Variants in DPM1 observed in about 807,000 individuals in gnomAD.
The protein encoded by DPM1 is dolichol-phosphate mannosyltransferase subunit 1.
Under a neutral mutation model 39.0 loss-of-function variants are expected in DPM1, and 27 were observed. The ratio of observed to expected loss-of-function variants is 0.69; its 90% confidence interval spans 0.51 to 0.95. DPM1 has a LOEUF of 0.95. Ranked by LOEUF, DPM1 falls within the 40% of genes least tolerant of loss-of-function variation. The probability of loss-of-function intolerance (pLI) is 0.00; values close to 1 mark genes in which losing one functional copy is unlikely to be tolerated. For synonymous variants in DPM1, 124 were observed against 109.0 expected (o/e 1.14, Z -0.86); for missense variants, 307 against 315.6 (o/e 0.97, Z 0.21).
intron 8 of DPM1, among the ~76,000 whole-genome samples, chr20:50,935,585 G>C (rs1255908022): frequency 6.6e-6 from 1 of 152,180 alleles, no homozygotes; most frequent in African/African-American, 2.4e-5. Context: ...GTCAAATTTA[G>C]CTACAATGGT....
At chr20:50,952,159 A>G (rs1028941684) in intron 2 of DPM1, among the ~76,000 whole-genome samples, 5 of 152,218 alleles carry the variant, frequency 3.3e-5, no homozygotes, top group Admixed American at 1.3e-4. Flanking sequence ...TTCATGAGGA[A>G]CAAGCAAGTG....
intron 1 of DPM1, among the ~76,000 whole-genome samples, chr20:50,956,540 A>G (rs536660642): frequency 1.4e-4 from 21 of 152,106 alleles, no homozygotes; most frequent in South Asian, 1.2e-3. Context: ...AGAAAAAAAA[A>G]AAAAAGAAAA....
chr20:50,939,992 C>G (rs1267921822), intron 7 of DPM1, among the ~76,000 whole-genome samples: 1 of 152,172 alleles, frequency 6.6e-6, no homozygotes, highest in Non-Finnish European at 1.5e-5. Context: ...CCTCCCCTCT[C>G]TTTCATCCCC....
At chr20:50,948,693 C>A (rs1480275376) in intron 2 of DPM1, 31 bp from the exon 3 acceptor site, 2 of 1,596,744 alleles carry the variant, frequency 1.3e-6, no homozygotes, top group South Asian at 2.2e-5. Flanking sequence ...ATTTTACACA[C>A]AGAAACAGAA....
intron 2 of DPM1, among the ~76,000 whole-genome samples, chr20:50,954,621 A>G (rs924112964): frequency 6.6e-6 from 1 of 152,242 alleles, no homozygotes; most frequent in Non-Finnish European, 1.5e-5. Context: ...TATTAGAATA[A>G]CAAGTTTCAA....
chr20:50,944,528 A>T (rs1057500406), intron 5 of DPM1: 1 of 152,314 alleles, frequency 6.6e-6, no homozygotes, highest in Non-Finnish European at 1.5e-5. Flanking sequence ...ATGGAAAGCA[A>T]AAAGGAAGGA....
intron 3 of DPM1, 141 bp downstream of exon 3, chr20:50,948,488 C>A: frequency 1.1e-6 from 1 of 876,896 alleles, no homozygotes; most frequent in South Asian, 1.3e-5. Context: ...CAAGTTATAC[C>A]ATTTAAATGT....
intron 5 of DPM1, chr20:50,944,897 T>C (rs1986169519): frequency 1.3e-5 from 2 of 152,230 alleles, no homozygotes; most frequent in African/African-American, 4.8e-5. Flanking sequence ...GTATTGGAAA[T>C]GATTCAGCAT....
intron 5 of DPM1, among the ~76,000 whole-genome samples, chr20:50,943,872 T>G (rs1986086583): frequency 6.6e-6 from 1 of 151,968 alleles, no homozygotes; most frequent in Non-Finnish European, 1.5e-5. Flanking sequence ...CCCGAGTAGC[T>G]GGGACTACAG....
chr20:50,940,120 GTGTGTC>G (rs1985597983), intron 7 of DPM1, among the ~76,000 whole-genome samples: 1 of 141,570 alleles, frequency 7.1e-6, no homozygotes, highest in African/African-American at 2.6e-5. Context: ...GTGTGTGTGT[GTGTGTC>G]AATTCTCACA....
chr20:50,952,122 C>T (rs527350508), intron 2 of DPM1, among the ~76,000 whole-genome samples: 2 of 152,290 alleles, frequency 1.3e-5, no homozygotes, highest in African/African-American at 2.4e-5. Context: ...TATAAAGAGG[C>T]GTGACAAAGC....
intron 2 of DPM1, 135 bp downstream of exon 2, chr20:50,955,051 A>T: frequency 2.7e-6 from 2 of 751,254 alleles, no homozygotes; most frequent in South Asian, 1.7e-5. Flanking sequence ...AAATGCATTT[A>T]AATCCCAAAT....
intron 2 of DPM1, among the ~76,000 whole-genome samples, chr20:50,950,022 T>C (rs548724759): frequency 2.6e-5 from 4 of 152,334 alleles, no homozygotes; most frequent in Admixed American, 2.0e-4. Context: ...CTTCTAGTTG[T>C]TTTGTAGATC....
intron 7 of DPM1, among the ~76,000 whole-genome samples, chr20:50,937,699 C>G (rs1390709260): frequency 2.0e-5 from 3 of 152,044 alleles, no homozygotes; most frequent in African/African-American, 7.2e-5. Flanking sequence ...TTTCCAGGCT[C>G]AAAAGATCCT....
At chr20:50,939,417 G>A (rs1348459636) in intron 7 of DPM1, among the ~76,000 whole-genome samples, 1 of 151,854 alleles carries the variant, frequency 6.6e-6, no homozygotes, top group Non-Finnish European at 1.5e-5. Context: ...CCAGGCTGGA[G>A]TGCAGTGGCG....
chr20:50,956,939 C>G (rs1986855595), intron 1 of DPM1, among the ~76,000 whole-genome samples: 1 of 152,020 alleles, frequency 6.6e-6, no homozygotes, highest in African/African-American at 2.4e-5. Context: ...CTTTATCAAA[C>G]TTCATTTTGA....
chr20:50,938,584 G>A (rs183755785), intron 7 of DPM1, among the ~76,000 whole-genome samples: 35 of 151,376 alleles, frequency 2.3e-4, no homozygotes, highest in African/African-American at 8.2e-4. Context: ...GTATCACCAT[G>A]TTAGCCAGGA....
At chr20:50,937,402 G>T (rs1300468092) in intron 7 of DPM1, among the ~76,000 whole-genome samples, 2 of 151,808 alleles carry the variant, frequency 1.3e-5, no homozygotes, top group Non-Finnish European at 2.9e-5. Context: ...TCTGATGGTA[G>T]CAATATTTAT....
intron 5 of DPM1, among the ~76,000 whole-genome samples, chr20:50,943,775 T>C (rs1300966115): frequency 1.3e-5 from 2 of 148,862 alleles, no homozygotes; most frequent in African/African-American, 5.0e-5. Flanking sequence ...AGTCTCGCTC[T>C]GTCGCCCAGG....
Sources: gnomAD v4.1 joint callset for allele counts (sites outside exome capture counted in the v4.1 genomes callset) on GRCh38, gnomAD v4.1.1 for gene constraint, MANE v1.5 for transcripts, NCBI Gene and HGNC (gene_info 2026-07-23, HGNC 2026-07-21) for gene names.